Variants in ZCCHC14 observed in about 807,000 individuals in gnomAD.
ZCCHC14 encodes the protein zinc finger CCHC-type containing 14.
A neutral mutation model predicts 85.0 loss-of-function variants in ZCCHC14; 16 were observed. The ratio of observed to expected loss-of-function variants is 0.19; its 90% CI spans 0.13 to 0.29. The LOEUF (loss-of-function observed/expected upper bound fraction) is 0.29. Ranked by LOEUF, ZCCHC14 falls within the 10% of genes least tolerant of loss-of-function variation. The probability of loss-of-function intolerance (pLI) is 1.00; values close to 1 mark genes in which losing one functional copy is unlikely to be tolerated. For missense variants in ZCCHC14, 1,303 were observed against 1,443.5 expected, an observed-to-expected ratio of 0.90 and a Z score of 1.58; for synonymous variants, 775 against 630.7, an observed-to-expected ratio of 1.23 and a Z score of -3.43.
chr16:87,488,940 A>T (rs1385641443), intron 1 of ZCCHC14, among the ~76,000 whole-genome samples: 2 of 146,510 alleles, frequency 1.4e-5, no homozygotes, highest in Non-Finnish European at 2.9e-5. Flanking sequence ...TATCTCTAAA[A>T]GAAAAATACA....
At chr16:87,444,527 C>T (rs915935215) in intron 2 of ZCCHC14, among the ~76,000 whole-genome samples, 1 of 152,120 alleles carries the variant, frequency 6.6e-6, no homozygotes, top group African/African-American at 2.4e-5. Context: ...AGAATCCTGG[C>T]AGATAGCATG....
In ZCCHC14 at chr16:87,413,109, T is replaced by C. The variant is rs1908567798; in HGVS notation, c.1690A>G (p.Met564Val). 1 of 1,613,834 alleles carries C rather than the reference T, an allele frequency of 6.2e-7. No homozygotes were observed. Among genetic ancestry groups the C allele is most frequent in the Non-Finnish European group, 8.5e-7 (1 of 1,179,948 alleles). The change falls in exon 11 of 13, where the codon ATG (methionine) becomes GTG (valine). Residue 564 changes from methionine (M) to valine (V), a missense_variant. Physicochemically the swap from Met to Val is conservative, Grantham distance 21 (BLOSUM62 1). This residue lies in a region of ZCCHC14 where 797 missense variants were observed against 730.8 expected (regional missense o/e 1.09). Transcript: ENST00000671377. ...SEYSSSSSSPMGVQAREESSD... is the reference protein window; with the variant it reads ...SEYSSSSSSPVGVQAREESSD... Reference sequence around the variant, plus strand: ...CTCTCTTCCCGGGCCTGTACCCCCATGGGGCTGGAGGAGGAGCTGGAGTAC... The same window carrying C: ...CTCTCTTCCCGGGCCTGTACCCCCACGGGGCTGGAGGAGGAGCTGGAGTAC...
chr16:87,476,705 C>T (rs1322942204), intron 1 of ZCCHC14, among the ~76,000 whole-genome samples: 1 of 126,378 alleles, frequency 7.9e-6, no homozygotes, highest in Non-Finnish European at 1.5e-5. Flanking sequence ...AGAAACAGAA[C>T]AGAGGGAGAA....
intron 4 of ZCCHC14, 109 bp downstream of exon 4, chr16:87,423,701 C>A: frequency 3.1e-6 from 4 of 1,276,672 alleles, no homozygotes; most frequent in Non-Finnish European, 4.4e-6. Flanking sequence ...GCCCTGCGCA[C>A]GCTCACTCGC....
chr16:87,443,685 AG>A (rs1417463830), intron 2 of ZCCHC14, among the ~76,000 whole-genome samples: 2 of 152,156 alleles, frequency 1.3e-5, no homozygotes, highest in Non-Finnish European at 2.9e-5. Flanking sequence ...TGCAATGAGC[AG>A]GGATCACACC....
In ZCCHC14 at chr16:87,491,285, G is replaced by C. The variant is rs2150782774; in HGVS notation, c.570+384C>G. On this transcript the variant is annotated intron_variant, in intron 1 of 12. Coordinates refer to ENST00000671377, the MANE Select transcript of ZCCHC14 (RefSeq NM_015144.3). The surrounding 1 kb of genome is among the most constrained non-coding windows in gnomAD (Gnocchi z 5.9). The stretch of plus-strand genomic sequence containing the variant: ...CGCGAGGCGGAGGTGTGGAGGCTTT[G>C]GGGCACGCAGAGGGGACTGAGGGTG... 6.6e-6 allele frequency among the ~76,000 whole-genome samples: 1 copy of C among 152,374 alleles called. No homozygotes were observed. The highest frequency in any genetic ancestry group is 1.9e-4 in the East Asian group (1 of 5,174).
chr16:87,422,259 C>T (rs2150729844), intron 4 of ZCCHC14, among the ~76,000 whole-genome samples: 1 of 152,050 alleles, frequency 6.6e-6, no homozygotes, highest in South Asian at 2.1e-4. Flanking sequence ...CTGAGGGGAT[C>T]GGCTGGTGTG....
intron 2 of ZCCHC14, among the ~76,000 whole-genome samples, chr16:87,438,424 T>C (rs1910034918): frequency 6.6e-6 from 1 of 152,190 alleles, no homozygotes; most frequent in Non-Finnish European, 1.5e-5. Flanking sequence ...GTGGGCAATG[T>C]GTTTACTTTT....
rs201359018 is a variant in ZCCHC14, at chr16:87,411,536, G to C, written c.3185C>G (p.Ser1062Cys). 1 of 1,613,654 alleles carries C rather than the reference G, an allele frequency of 6.2e-7. No individual in the cohort carries two copies. The highest frequency in any genetic ancestry group is 8.5e-7 in the Non-Finnish European group (1 of 1,180,032). ...CTTACCTGGCCGGTTGAAGTCCATG[G>C]ACGGCTGTTTGCAGTCCTGGGCGCG... ...GHRAQDCKQP[S>C]MDFNRPGTFR... The change falls in exon 12 of 13, where the codon TCC becomes TGC. Residue 1062 changes from serine to cysteine, a missense_variant. Around this residue, in one of 7 missense-constraint regions of ZCCHC14, gnomAD observed 797 missense variants for 730.8 expected, o/e 1.09. Coordinates refer to ENST00000671377, the MANE Select transcript of ZCCHC14 (RefSeq NM_015144.3).
intron 1 of ZCCHC14, among the ~76,000 whole-genome samples, chr16:87,485,429 G>A (rs1010815812): frequency 1.3e-5 from 2 of 151,970 alleles, no homozygotes; most frequent in African/African-American, 2.4e-5. Flanking sequence ...ACAGAGACTG[G>A]AGAAAAAAAT....
intron 2 of ZCCHC14, among the ~76,000 whole-genome samples, chr16:87,453,007 A>G (rs546316812): frequency 1.3e-5 from 2 of 152,372 alleles, no homozygotes; most frequent in Non-Finnish European, 2.9e-5. Context: ...GGGGACGCCA[A>G]GCACCCGTCT....
chr16:87,492,340 G>T lies in ZCCHC14; in HGVS notation c.-102C>A. ...CGGGGCGCGCCGGGACCGGGGACGC[G>T]CGGGCCGGGGCCGGGTCCGGGCGAG... On this transcript the variant is annotated 5_prime_UTR_variant, in exon 1 of 13. Transcript: ENST00000671377. This position sits in a 1 kb window ranked among gnomAD's most constrained non-coding sequence, Gnocchi z 6.7. 1 of 317,506 alleles carries T rather than the reference G, an allele frequency of 3.1e-6. No homozygotes were observed. Among genetic ancestry groups the T allele is most frequent in the Non-Finnish European group, 4.5e-6 (1 of 223,552 alleles). 19.7% of individuals were successfully genotyped at this position (317,506 alleles called of 1,614,324 possible).
chr16:87,492,243 C>T lies in ZCCHC14; in HGVS notation c.-5G>A, dbSNP rs1009078117. 4.1e-6 allele frequency: 4 copies of T among 982,348 alleles called. No individual in the cohort carries two copies. Among genetic ancestry groups the T allele is most frequent in the Non-Finnish European group, 4.8e-6 (4 of 829,044 alleles). The allele number at this position is 982,348 out of a possible 1,614,324, so 60.9% of individuals were successfully genotyped here. ...CGGGCAGCGCTTCTCCACCATGCTG[C>T]CGCCCGCGCCGCGCCGCGACCCGGG... On this transcript the variant is annotated 5_prime_UTR_variant, in exon 1 of 13. Coordinates refer to ENST00000671377, the MANE Select transcript of ZCCHC14 (RefSeq NM_015144.3). This position sits in a 1 kb window ranked among gnomAD's most constrained non-coding sequence, Gnocchi z 6.7.
intron 2 of ZCCHC14, among the ~76,000 whole-genome samples, chr16:87,438,320 C>T (rs189938030): frequency 6.6e-6 from 1 of 152,378 alleles, no homozygotes; most frequent in African/African-American, 2.4e-5. Context: ...CCTTTCTATG[C>T]ATGTACAAGA....
chr16:87,460,256 A>G, intron 1 of ZCCHC14, 125 bp from the exon 2 acceptor site: 2 of 1,279,958 alleles, frequency 1.6e-6, no homozygotes, highest in Non-Finnish European at 2.1e-6. Flanking sequence ...ATGTATTATT[A>G]TAATAATAAG....
Position 87,420,613 on chromosome 16 carries a change from C to T in ZCCHC14, c.944G>A (p.Gly315Asp). ...VERNHVDLDS[G>D]LRYLASLPSH... is the part of the protein sequence containing the mutation. ...TGCCTGGTAAGGGCCTCACCTCAGGCCTGAGTCCAGATCCACGTGGTTTCG... is the reference window on the plus strand; with the variant it reads ...TGCCTGGTAAGGGCCTCACCTCAGGTCTGAGTCCAGATCCACGTGGTTTCG... The change falls in exon 5 of 13, where the codon GGC becomes GAC. Residue 315 changes from glycine to aspartate, a missense_variant. Transcript: ENST00000671377. This position sits in a 1 kb window ranked among gnomAD's most constrained non-coding sequence, Gnocchi z 5.0. 6.2e-7 allele frequency: 1 copy of T among 1,612,642 alleles called. No homozygotes were observed. Among genetic ancestry groups the T allele is most frequent in the Non-Finnish European group, 8.5e-7 (1 of 1,179,302 alleles).
At chr16:87,463,439 C>A (rs1479807080) in intron 1 of ZCCHC14, among the ~76,000 whole-genome samples, 3 of 152,230 alleles carry the variant, frequency 2.0e-5, no homozygotes, top group Admixed American at 2.0e-4. Flanking sequence ...GATGCATGAA[C>A]CTCCACATTC....
chr16:87,435,293 C>T (rs1297671391), intron 2 of ZCCHC14, among the ~76,000 whole-genome samples: 1 of 152,214 alleles, frequency 6.6e-6, no homozygotes, highest in Non-Finnish European at 1.5e-5. Flanking sequence ...GTTCAACCCC[C>T]AGTTGTCCTG....
Position 87,408,060 on chromosome 16 carries a change from G to A in ZCCHC14, c.*2220C>T, listed in dbSNP as rs1312879623. On this transcript the variant is annotated 3_prime_UTR_variant, in exon 13 of 13. Transcript: ENST00000671377. The stretch of plus-strand genomic sequence containing the variant: ...CGCTGCTGGGAACACAGCCGTGACA[G>A]TGTCGGAACTCATCTACCTCAACGC... The A allele has an allele frequency of 6.5e-6, 1 of 152,684 alleles. No individual in the cohort carries two copies. The highest frequency in any genetic ancestry group is 2.4e-5 in the African/African-American group (1 of 41,474). 9.5% of individuals were successfully genotyped at this position (152,684 alleles called of 1,614,324 possible). A position where few individuals can be genotyped will look rare whatever the true frequency, so the allele number is the denominator to read the frequency against.
Sources: gnomAD v4.1 joint callset for allele counts (sites outside exome capture counted in the v4.1 genomes callset) on GRCh38, gnomAD v4.1.1 for gene constraint, gnomAD v4.1.1 regional missense constraint, Gnocchi (gnomAD v3.1) non-coding constraint, MANE v1.5 for transcripts, NCBI Gene and HGNC (gene_info 2026-07-23, HGNC 2026-07-21) for gene names.